CTSO: variants seen among roughly 807,000 people sequenced by gnomAD.
CTSO encodes the protein cathepsin O.
A neutral mutation model predicts 42.4 loss-of-function variants in CTSO; 40 were observed. The ratio of observed to expected loss-of-function variants is 0.94; its 90% CI spans 0.73 to 1.23. CTSO has a LOEUF of 1.23. Ranked by LOEUF, CTSO falls within the 50% of genes most tolerant of loss-of-function variation. The probability of loss-of-function intolerance (pLI) is 0.00; values close to 1 mark genes in which losing one functional copy is unlikely to be tolerated. For missense variants in CTSO, 441 were observed against 396.0 expected, an observed-to-expected ratio of 1.11 and a Z score of -0.96; for synonymous variants, 156 against 146.2, an observed-to-expected ratio of 1.07 and a Z score of -0.48.
chr4:155,935,325 A>G (rs1157378602), intron 5 of CTSO, among the ~76,000 whole-genome samples: 1 of 152,124 alleles, frequency 6.6e-6, no homozygotes, highest in African/African-American at 2.4e-5. Context: ...ACGAAAGCAG[A>G]CTAATACAGG....
intron 5 of CTSO, among the ~76,000 whole-genome samples, chr4:155,932,733 A>G (rs1381210243): frequency 6.6e-6 from 1 of 152,162 alleles, no homozygotes; most frequent in Non-Finnish European, 1.5e-5. Flanking sequence ...GGTTAGCCAC[A>G]GCACTAACTG....
At chr4:155,935,424 A>G (rs964611510) in intron 5 of CTSO, among the ~76,000 whole-genome samples, 1 of 151,986 alleles carries the variant, frequency 6.6e-6, no homozygotes, top group Non-Finnish European at 1.5e-5. Context: ...CATGCCAGAC[A>G]TGTTTTTGCC....
At position 155,953,771 on chromosome 4, in the gene CTSO, C is replaced by A; in HGVS notation, c.77G>T (p.Arg26Leu). The part of the protein sequence containing the change: ...LCRGGGDADS[R>L]APFTPTWPRS... ...CGGCCAGGTCGGGGTGAAGGGGGCG[C>A]GGGAGTCCGCATCGCCGCCGCCCCG... The change falls in exon 1 of 8, where the codon CGC becomes CTC. Residue 26 changes from arginine to leucine, a missense_variant. By Grantham distance (102) the Arg-to-Leu change is moderately radical. Transcript: ENST00000433477. The A allele has an allele frequency of 7.5e-7, 1 of 1,337,220 alleles. No homozygotes were observed. The highest frequency in any genetic ancestry group is 9.6e-7 in the Non-Finnish European group (1 of 1,041,126). The allele number at this position is 1,337,220 out of a possible 1,614,324, so 82.8% of individuals were successfully genotyped here.
intron 1 of CTSO, among the ~76,000 whole-genome samples, chr4:155,953,209 G>C (rs1348224867): frequency 6.6e-6 from 1 of 151,210 alleles, no homozygotes; most frequent in Non-Finnish European, 1.5e-5. Flanking sequence ...AAACCATCAG[G>C]ATTCTTTAAT....
Position 155,925,889 on chromosome 4 carries a change from T to A in CTSO, c.*147A>T. 1.4e-6 allele frequency: 1 copy of A among 713,476 alleles called. No individual in the cohort carries two copies. Among genetic ancestry groups the A allele is most frequent in the Non-Finnish European group, 2.3e-6 (1 of 428,022 alleles). 44.2% of individuals were successfully genotyped at this position (713,476 alleles called of 1,614,324 possible). A position where few individuals can be genotyped will look rare whatever the true frequency, so the allele number is the denominator to read the frequency against. Reference sequence around the variant, plus strand: ...ATCTCTCTACAAGAAGGGAACATTCTGAAACTTAGTTTAAATACTACTAGG... The same window carrying A: ...ATCTCTCTACAAGAAGGGAACATTCAGAAACTTAGTTTAAATACTACTAGG... On this transcript the variant is annotated 3_prime_UTR_variant, in exon 8 of 8. Coordinates refer to ENST00000433477, the MANE Select transcript of CTSO (RefSeq NM_001334.3).
At chr4:155,950,290 A>G (rs1483675330) in intron 1 of CTSO, among the ~76,000 whole-genome samples, 3 of 152,212 alleles carry the variant, frequency 2.0e-5, no homozygotes, top group Non-Finnish European at 2.9e-5. Context: ...GCTTAAACAT[A>G]ACGATATTCA....
At chr4:155,948,122 C>T (rs894127945) in intron 1 of CTSO, among the ~76,000 whole-genome samples, 1 of 152,018 alleles carries the variant, frequency 6.6e-6, no homozygotes, top group South Asian at 2.1e-4. Context: ...AAGGGAGATA[C>T]CAGATTCCTG....
Position 155,945,988 on chromosome 4 carries a change from T to G in CTSO, c.136-2724A>C, listed in dbSNP as rs532243122. Among the ~76,000 whole-genome samples, 15 of 152,182 alleles carry G rather than the reference T, an allele frequency of 9.9e-5. No individual in the cohort carries two copies. The East Asian group carries it at 2.7e-3, about 27-fold the overall frequency. On this transcript the variant is annotated intron_variant, in intron 1 of 7. Transcript: ENST00000433477. ...TATAGACTGGTACGCCCTTTCAAGA[T>G]CCTTAAAATTACACAAATTGTTTAA...
chr4:155,939,300 T>C, intron 4 of CTSO, 71 bp downstream of exon 4: 1 of 1,328,510 alleles, frequency 7.5e-7, no homozygotes, highest in Non-Finnish European at 1.0e-6. Flanking sequence ...AACAAACTGT[T>C]TGAATTTTGA....
At chr4:155,927,493 GGC>G (rs1240120887) in intron 7 of CTSO, among the ~76,000 whole-genome samples, 3 of 152,162 alleles carry the variant, frequency 2.0e-5, no homozygotes, top group Non-Finnish European at 4.4e-5. Flanking sequence ...TTTCAGGCTG[GGC>G]GTGGTGGCTC....
chr4:155,940,769 G>T (rs944988341), intron 3 of CTSO, among the ~76,000 whole-genome samples: 1 of 152,028 alleles, frequency 6.6e-6, no homozygotes, highest in African/African-American at 2.4e-5. Flanking sequence ...CTTGAACCTG[G>T]GAGGTGGAGG....
chr4:155,937,235 T>C (rs1743345288), intron 5 of CTSO, 127 bp downstream of exon 5: 2 of 605,692 alleles, frequency 3.3e-6, no homozygotes. Flanking sequence ...TGCTACTCTT[T>C]CTAGTAAAAA....
In CTSO at chr4:155,929,615, TC is replaced by T; in HGVS notation, c.764del (p.Gly255GlufsTer19). 1 of 1,613,930 alleles carries T rather than the reference TC, an allele frequency of 6.2e-7. No homozygotes were observed. Among genetic ancestry groups the T allele is most frequent in the South Asian group, 1.1e-5 (1 of 91,028 alleles). On this transcript the variant is annotated frameshift_variant, in exon 6 of 8. Coordinates refer to ENST00000433477, the MANE Select transcript of CTSO (RefSeq NM_001334.3). LOFTEE classifies it high-confidence loss of function. ...VDAVSWQDYL[G>X]GIIQHHCSSG... The stretch of plus-strand genomic sequence containing the variant: ...TAGAGCAGTGATGCTGTATAATGCC[TC>T]CCAGATAATCTTGCCAGCTCACTGC...
intron 1 of CTSO, among the ~76,000 whole-genome samples, chr4:155,950,659 C>T (rs979165131): frequency 4.6e-5 from 7 of 150,976 alleles, no homozygotes; most frequent in East Asian, 2.0e-4. Flanking sequence ...GAGGGGCCTG[C>T]GAGCATGCAT....
intron 1 of CTSO, among the ~76,000 whole-genome samples, chr4:155,950,944 T>A (rs6833967): frequency 0.73 from 110,503 of 151,632 alleles, 40,897 homozygotes; most frequent in South Asian, 0.91. Flanking sequence ...GAAAATAGGT[T>A]TTAAAGCTTT....
chr4:155,935,640 T>C (rs1743316901), intron 5 of CTSO, among the ~76,000 whole-genome samples: 1 of 152,184 alleles, frequency 6.6e-6, no homozygotes, highest in South Asian at 2.1e-4. Flanking sequence ...ATTTGTTCTC[T>C]TTGTTAATTA....
At chr4:155,934,116 G>T (rs1204335479) in intron 5 of CTSO, among the ~76,000 whole-genome samples, 1 of 152,202 alleles carries the variant, frequency 6.6e-6, no homozygotes, top group Non-Finnish European at 1.5e-5. Context: ...TGTGGGATAG[G>T]CCCAGGGTCC....
Position 155,949,677 on chromosome 4 carries a change from C to A in CTSO, c.135+4036G>T, listed in dbSNP as rs1161008688. Among the ~76,000 whole-genome samples, 3 of 152,262 alleles carry A rather than the reference C, an allele frequency of 2.0e-5. No individual in the cohort carries two copies. In the East Asian group the frequency reaches 5.8e-4, roughly 29 times the overall value. On this transcript the variant is annotated intron_variant, in intron 1 of 7. Transcript: ENST00000433477. ...AAAATGTTCTCCTTAGGAGTGCTTT[C>A]GTTTCTGGAAATTGCAGTAAAGCTG... is the stretch of plus-strand genomic sequence containing the variant.
chr4:155,931,826 GATTA>G (rs1357722947), intron 5 of CTSO, among the ~76,000 whole-genome samples: 1 of 149,860 alleles, frequency 6.7e-6, no homozygotes, highest in African/African-American at 2.4e-5. Context: ...ATTAATCATT[GATTA>G]ATGAATTATA....
Sources: allele counts gnomAD v4.1 joint callset (sites outside exome capture counted in the v4.1 genomes callset), GRCh38; gene constraint gnomAD v4.1.1; transcripts MANE v1.5; gene names NCBI Gene and HGNC (gene_info 2026-07-23, HGNC 2026-07-21).